The following MGRN1 variants were observed in gnomAD, a reference collection of about 807,000 sequenced individuals.
The protein encoded by MGRN1 is mahogunin ring finger 1.
MGRN1 carries 29 observed loss-of-function variants against 69.2 expected under a neutral mutation model. The ratio of observed to expected loss-of-function variants is 0.42; its 90% CI spans 0.31 to 0.57. The LOEUF is 0.57. Among genes scored for constraint, MGRN1 ranks in the 20% least tolerant of loss-of-function variants. MGRN1 has a pLI of 0.15. For synonymous variants in MGRN1, 470 were observed against 344.2 expected (o/e 1.37, Z -4.04); for missense variants, 998 against 796.2 (o/e 1.25, Z -3.05).
intron 4 of MGRN1, among the ~76,000 whole-genome samples, chr16:4,655,142 T>C (rs1266815602): frequency 6.6e-6 from 1 of 152,066 alleles, no homozygotes; most frequent in Non-Finnish European, 1.5e-5. Flanking sequence ...CTGGCCGACA[T>C]GGTGGAGGAG....
intron 12 of MGRN1, among the ~76,000 whole-genome samples, chr16:4,680,942 G>A (rs1294812564): frequency 6.6e-6 from 1 of 152,240 alleles, no homozygotes; most frequent in Admixed American, 6.5e-5. Flanking sequence ...GTTTTGTGGG[G>A]ACAGAGCAGG....
chr16:4,630,952 C>T (rs1897970152), intron 1 of MGRN1, among the ~76,000 whole-genome samples: 1 of 151,830 alleles, frequency 6.6e-6, no homozygotes, highest in Non-Finnish European at 1.5e-5. Context: ...CTGGGTTTTC[C>T]CAGCTATGTA....
rs776031659 is a variant in MGRN1, at chr16:4,686,163, G to A, written c.1618+2231G>A. ...AGAGTGTTTGTTTCTAGACGGCCTCGACCGTGTCCCCAAGCTGGTGCCCTT... is the reference window on the plus strand; with the variant it reads ...AGAGTGTTTGTTTCTAGACGGCCTCAACCGTGTCCCCAAGCTGGTGCCCTT... On this transcript the variant is annotated intron_variant, in intron 16 of 16. Transcript: ENST00000262370. 16 of 1,424,458 alleles carry A rather than the reference G, an allele frequency of 1.1e-5. No homozygotes were observed. The Admixed American group carries it at 2.2e-4, about 19-fold the overall frequency. The allele number at this position is 1,424,458 out of a possible 1,614,324, so 88.2% of individuals were successfully genotyped here.
rs765557279 is a variant in MGRN1 at position 4,682,899 on chromosome 16, C to A, written c.1435C>A (p.Pro479Thr). Residue 479 changes from proline (P) to threonine (T), a missense_variant, in exon 14 of 17, where the codon CCA becomes ACA. Physicochemically the swap from Pro to Thr is conservative, Grantham distance 38 (BLOSUM62 -1). Transcript: ENST00000262370. Reference protein sequence around the residue: ...KLSEDVDAPPPLGGAELALRE... With the variant: ...KLSEDVDAPPTLGGAELALRE... ...CTCCGAGGACGTGGACGCCCCTCCC[C>A]CACTGGGTGGCGCAGAGCTGGCCCT... The A allele has an allele frequency of 4.8e-5, 77 of 1,609,210 alleles. No individual in the cohort carries two copies. The highest frequency in any genetic ancestry group is 6.4e-5 in the Non-Finnish European group (75 of 1,176,978).
chr16:4,656,950 G>A lies in MGRN1; in HGVS notation c.444-296G>A, dbSNP rs115632474. Among the ~76,000 whole-genome samples the A allele has an allele frequency of 4.7e-4, 72 of 152,086 alleles. 1 individual carries two copies. Among genetic ancestry groups the A allele is most frequent in the African/African-American group, 1.5e-3 (61 of 41,492 alleles). ...ATAAACAAACCAACTTAGCACCGAT[G>A]GAAAGGAAAAGCACAGCTACACTGG... On this transcript the variant is annotated intron_variant, in intron 4 of 16. Coordinates refer to ENST00000262370, the MANE Select transcript of MGRN1 (RefSeq NM_015246.4).
At chr16:4,674,250 C>T (rs967828420) in intron 10 of MGRN1, among the ~76,000 whole-genome samples, 2 of 152,104 alleles carry the variant, frequency 1.3e-5, no homozygotes, top group Non-Finnish European at 2.9e-5. Context: ...TCTCAAAGTG[C>T]TGGTGTTACA....
Position 4,638,517 on chromosome 16 carries a change from G to T in MGRN1, c.89-11848G>T, listed in dbSNP as rs532898100. 4.6e-3 allele frequency among the ~76,000 whole-genome samples: 706 copies of T among 152,280 alleles called. 8 individuals are homozygous for T. The highest frequency in any genetic ancestry group is 8.1e-3 in the Non-Finnish European group (554 of 68,016). On this transcript the variant is annotated intron_variant, in intron 1 of 16. Transcript: ENST00000262370. ...CCCATGTTGACTTCCCCAGCTGGGT[G>T]GGGGACTGGTAGTAGGCAGGGAAGC...
Position 4,681,549 on chromosome 16 carries a change from G to C in MGRN1, c.1132-1G>C. The C allele has an allele frequency of 6.2e-7, 1 of 1,611,954 alleles. No individual in the cohort carries two copies. Among genetic ancestry groups the C allele is most frequent in the Non-Finnish European group, 8.5e-7 (1 of 1,179,086 alleles). Reference sequence around the variant, plus strand: ...CCCCCTCACGCACCCTGTCCCTACAGAACTCTGACAGCGTCCCACCTGGCT... The same window carrying C: ...CCCCCTCACGCACCCTGTCCCTACACAACTCTGACAGCGTCCCACCTGGCT... On this transcript the variant is annotated splice_acceptor_variant, in intron 12 of 16. Coordinates refer to ENST00000262370, the MANE Select transcript of MGRN1 (RefSeq NM_015246.4). LOFTEE classifies it high-confidence loss of function.
intron 8 of MGRN1, among the ~76,000 whole-genome samples, chr16:4,668,657 C>G (rs967824204): frequency 5.9e-5 from 9 of 151,778 alleles, no homozygotes; most frequent in Non-Finnish European, 1.2e-4. Flanking sequence ...CACTCATATA[C>G]TCAGTCACAC....
intron 12 of MGRN1, 34 bp downstream of exon 12, chr16:4,680,131 C>A (rs778057516): frequency 1.2e-6 from 2 of 1,601,602 alleles, no homozygotes; most frequent in African/African-American, 1.3e-5. Context: ...CGTTTTTTTG[C>A]CCCCGCCCTC....
Position 4,680,468 on chromosome 16 carries a change from C to G in MGRN1, c.1131+371C>G. 2.2e-5 allele frequency: 5 copies of G among 231,654 alleles called. No homozygotes were observed. In the South Asian group the frequency reaches 2.5e-4, roughly 11 times the overall value. The allele number at this position is 231,654 out of a possible 1,614,324, so 14.3% of individuals were successfully genotyped here. A position where few individuals can be genotyped will look rare whatever the true frequency, so the allele number is the denominator to read the frequency against. On this transcript the variant is annotated intron_variant, in intron 12 of 16. Transcript: ENST00000262370. ...ATGCTTCTTGGCCCCGTGTCCCGCT[C>G]CTTTACCCTGCGGGTTCGAGCTCCT...
chr16:4,647,641 G>C (rs890687947), intron 1 of MGRN1, among the ~76,000 whole-genome samples: 2 of 152,252 alleles, frequency 1.3e-5, no homozygotes, highest in Non-Finnish European at 2.9e-5. Context: ...ATCTTGCAGT[G>C]TGTTAACTTG....
intron 16 of MGRN1, among the ~76,000 whole-genome samples, chr16:4,684,350 A>C (rs1308324502): frequency 6.6e-6 from 1 of 152,234 alleles, no homozygotes; most frequent in African/African-American, 2.4e-5. Context: ...CACAGGCCCC[A>C]TGCTGGGTGC....
At chr16:4,640,521 AG>A (rs2078135315) in intron 1 of MGRN1, 1 of 152,272 alleles carries the variant, frequency 6.6e-6, no homozygotes, top group South Asian at 2.1e-4. Flanking sequence ...GCTGGGCTCC[AG>A]TCCCCCTGGG....
At chr16:4,686,807 A>G in intron 16 of MGRN1, 2 of 988,034 alleles carry the variant, frequency 2.0e-6, no homozygotes, top group Non-Finnish European at 2.4e-6. Flanking sequence ...TAGGACGCTC[A>G]GCAGGTCCAC....
intron 8 of MGRN1, among the ~76,000 whole-genome samples, chr16:4,668,729 TAG>T (rs1179826107): frequency 1.4e-5 from 2 of 141,114 alleles, no homozygotes; most frequent in South Asian, 2.1e-4. Context: ...CACATATACA[TAG>T]ACACATACTG....
chr16:4,649,754 A>G (rs2078359548), intron 1 of MGRN1: 1 of 153,364 alleles, frequency 6.5e-6, no homozygotes, highest in Admixed American at 6.5e-5. Flanking sequence ...TACAGAAGAA[A>G]GTGGTGTTGG....
chr16:4,660,759 G>A (rs79201395), intron 5 of MGRN1, among the ~76,000 whole-genome samples: 1 of 142,564 alleles, frequency 7.0e-6, no homozygotes, highest in East Asian at 2.3e-4. Context: ...ACCCTGGGAC[G>A]ATGACTCCTG....
At position 4,628,212 on chromosome 16, in the gene MGRN1, C is replaced by G. The variant is rs549846036; in HGVS notation, c.88+3164C>G. On this transcript the variant is annotated intron_variant, in intron 1 of 16. Transcript: ENST00000262370. Reference sequence around the variant, plus strand: ...CCATCCTGGCTAACACGGTGAAACCCCATGTCTACTAAAAATACAAAAAAT... The same window carrying G: ...CCATCCTGGCTAACACGGTGAAACCGCATGTCTACTAAAAATACAAAAAAT... Among the ~76,000 whole-genome samples the G allele has an allele frequency of 5.1e-3, 771 of 151,914 alleles. 3 individuals carry two copies. Among genetic ancestry groups the G allele is most frequent in the Non-Finnish European group, 8.9e-3 (604 of 67,956 alleles).
Sources: gnomAD v4.1 joint callset for allele counts (sites outside exome capture counted in the v4.1 genomes callset) on GRCh38, gnomAD v4.1.1 for gene constraint, MANE v1.5 for transcripts, NCBI Gene and HGNC (gene_info 2026-07-23, HGNC 2026-07-21) for gene names.